Variants in PROKR1 observed in about 807,000 individuals in gnomAD.
PROKR1 encodes G protein-coupled receptor 73.
In PROKR1, 21 loss-of-function variants were observed where a neutral mutation model predicts 22.8. That is an observed-to-expected ratio of 0.92 (90% CI 0.65 to 1.32). The LOEUF is 1.32. Among genes scored for constraint, PROKR1 ranks in the 40% most tolerant of loss-of-function variants. The probability of loss-of-function intolerance (pLI) is 0.00; values close to 1 mark genes in which losing one functional copy is unlikely to be tolerated. For synonymous variants in PROKR1, 193 were observed against 207.5 expected, an observed-to-expected ratio of 0.93 and a Z score of 0.60; for missense variants, 548 against 514.2, an observed-to-expected ratio of 1.07 and a Z score of -0.64.
intron 2 of PROKR1, 60 bp downstream of exon 2, chr2:68,646,366 GC>G: frequency 1.3e-6 from 2 of 1,596,742 alleles, no homozygotes; most frequent in Middle Eastern, 1.7e-4. Flanking sequence ...CATTGGAATT[GC>G]CCCCTCCTGT....
chr2:68,655,916 G>A lies in PROKR1; in HGVS notation c.*340G>A, dbSNP rs1174041634. 1.3e-5 allele frequency: 5 copies of A among 376,938 alleles called. No homozygotes were observed. The highest frequency in any genetic ancestry group is 4.0e-5 in the Admixed American group (1 of 25,284). 23.3% of individuals were successfully genotyped at this position (376,938 alleles called of 1,614,324 possible). A position where few individuals can be genotyped will look rare whatever the true frequency, so the allele number is the denominator to read the frequency against. ...TAAGGGAGTTTCCACAAAAGAACTG[G>A]AGTAGGTATCTAGGATTGCAGTACA... On this transcript the variant is annotated 3_prime_UTR_variant, in exon 3 of 3. Transcript: ENST00000303786.
At position 68,655,095 on chromosome 2, in the gene PROKR1, T is replaced by C; in HGVS notation, c.701T>C (p.Leu234Pro). The part of the protein sequence containing the change: ...DQQLYYKSYF[L>P]FIFGIEFVGP... ...CAGCTCTACTACAAGTCCTACTTCCTCTTTATCTTTGGCATAGAATTCGTG... is the reference window on the plus strand; with the variant it reads ...CAGCTCTACTACAAGTCCTACTTCCCCTTTATCTTTGGCATAGAATTCGTG... The change falls in exon 3 of 3, where the codon CTC becomes CCC. Residue 234 changes from leucine to proline, a missense_variant. Coordinates refer to ENST00000303786, the MANE Select transcript of PROKR1 (RefSeq NM_138964.4). The C allele has an allele frequency of 6.2e-7, 1 of 1,614,016 alleles. No individual in the cohort carries two copies. Among genetic ancestry groups the C allele is most frequent in the Non-Finnish European group, 8.5e-7 (1 of 1,180,024 alleles).
intron 2 of PROKR1, among the ~76,000 whole-genome samples, chr2:68,650,062 G>A (rs893268719): frequency 1.0e-4 from 12 of 119,528 alleles, no homozygotes; most frequent in Middle Eastern, 5.7e-3. Context: ...TCTGGGGACT[G>A]TTGTGGGGTG....
In PROKR1 at chr2:68,646,114, AC is replaced by A; in HGVS notation, c.295del (p.Leu99CysfsTer72). The A allele has an allele frequency of 6.2e-7, 1 of 1,612,500 alleles. No individual in the cohort carries two copies. The highest frequency in any genetic ancestry group is 1.1e-5 in the South Asian group (1 of 90,968). ...VRYKKLRNLT[N>X]LLIANLAISD... is the part of the protein sequence containing the mutation. ...TACAAGAAACTGCGCAACCTCACCA[AC>A]CTGCTCATCGCCAACCTGGCCATCT... On this transcript the variant is annotated frameshift_variant, in exon 2 of 3. Transcript: ENST00000303786. LOFTEE classifies it high-confidence loss of function.
In PROKR1 at chr2:68,654,986, G is replaced by A. The variant is rs1364745766; in HGVS notation, c.592G>A (p.Ala198Thr). The change falls in exon 3 of 3, where the codon GCC becomes ACC. Residue 198 changes from alanine to threonine, a missense_variant. Physicochemically the swap from Ala to Thr is moderately conservative, Grantham distance 58 (BLOSUM62 0). Transcript: ENST00000303786. Reference protein sequence around the residue: ...TVSILIAIPSAYFTTETVLVI... With the variant: ...TVSILIAIPSTYFTTETVLVI... ...GTCCATCCTGATCGCCATCCCTTCC[G>A]CCTACTTCACCACCGAGACGGTCCT... The A allele has an allele frequency of 2.0e-5, 32 of 1,611,920 alleles. No individual in the cohort carries two copies. The highest frequency in any genetic ancestry group is 3.3e-5 in the South Asian group (3 of 90,972).
At position 68,656,916 on chromosome 2, in the gene PROKR1, GA is replaced by G. The variant is rs2104197845; in HGVS notation, c.*1342del. 1.3e-5 allele frequency: 2 copies of G among 152,276 alleles called. No homozygotes were observed. Among genetic ancestry groups the G allele is most frequent in the African/African-American group, 4.8e-5 (2 of 41,584 alleles). 9.4% of individuals were successfully genotyped at this position (152,276 alleles called of 1,614,324 possible). On this transcript the variant is annotated 3_prime_UTR_variant, in exon 3 of 3. Transcript: ENST00000303786. ...TCCAGAAGTCTGGGCACCCAGGAAA[GA>G]AGGGGACACACAGATAGGTAGTGTC...
In PROKR1 at chr2:68,646,187, C is replaced by G. The variant is rs756410347; in HGVS notation, c.366C>G (p.Tyr122Ter). 3.7e-6 allele frequency: 6 copies of G among 1,609,266 alleles called. No homozygotes were observed. In the Admixed American group the frequency reaches 8.4e-5, roughly 22 times the overall value. ...TCTGCTGCCCCTTTGAGATGGACTA[C>G]TATGTGGTGCGCCAGCTCTCCTGGG... ...AIVCCPFEMD[Y>*]YVVRQLSWEH... Residue 122 changes from tyrosine (Y) to a stop codon, truncating the protein, a stop_gained, in exon 2 of 3, where the codon TAC becomes TAG. Transcript: ENST00000303786. LOFTEE classifies it high-confidence loss of function.
chr2:68,654,839 C>T, intron 2 of PROKR1, 41 bp from the exon 3 acceptor site: 1 of 1,377,860 alleles, frequency 7.3e-7, no homozygotes. Flanking sequence ...TCCAGCACTT[C>T]TTTCTCACAG....
At position 68,645,850 on chromosome 2, in the gene PROKR1, A is replaced by G; in HGVS notation, c.29A>G (p.Asp10Gly). The G allele has an allele frequency of 6.2e-7, 1 of 1,614,216 alleles. No individual in the cohort carries two copies. The highest frequency in any genetic ancestry group is 8.5e-7 in the Non-Finnish European group (1 of 1,180,028). Reference sequence around the variant, plus strand: ...GAGACCACCATGGGGTTCATGGATGACAATGCCACCAACACTTCCACCAGC... The same window carrying G: ...GAGACCACCATGGGGTTCATGGATGGCAATGCCACCAACACTTCCACCAGC... METTMGFMD[D>G]NATNTSTSFL... The change falls in exon 2 of 3, where the codon GAC becomes GGC. Residue 10 changes from aspartate to glycine, a missense_variant. Transcript: ENST00000303786.
chr2:68,653,788 G>A (rs954255875), intron 2 of PROKR1, among the ~76,000 whole-genome samples: 1 of 151,972 alleles, frequency 6.6e-6, no homozygotes, highest in Non-Finnish European at 1.5e-5. Flanking sequence ...CCCCTAGAAA[G>A]TGCTCTCTCT....
chr2:68,654,849 G>A, intron 2 of PROKR1, 31 bp from the exon 3 acceptor site: 1 of 1,486,170 alleles, frequency 6.7e-7, no homozygotes, highest in Non-Finnish European at 9.4e-7. Context: ...CTTTCTCACA[G>A]TGGCTGCCTC....
intron 2 of PROKR1, among the ~76,000 whole-genome samples, chr2:68,649,251 A>G (rs1673257752): frequency 6.6e-6 from 1 of 152,148 alleles, no homozygotes; most frequent in African/African-American, 2.4e-5. Context: ...CTAACCTAGA[A>G]GAAAGTCTCC....
intron 2 of PROKR1, among the ~76,000 whole-genome samples, chr2:68,646,994 G>A (rs1463862132): frequency 6.6e-6 from 1 of 152,170 alleles, no homozygotes. Context: ...GCTGCAGTGA[G>A]CTATGTTCAT....
At chr2:68,647,993 T>C (rs1673228921) in intron 2 of PROKR1, among the ~76,000 whole-genome samples, 1 of 152,150 alleles carries the variant, frequency 6.6e-6, no homozygotes, top group Non-Finnish European at 1.5e-5. Flanking sequence ...TCCAGGGACT[T>C]TGTCTCTGAA....
chr2:68,650,077 G>C (rs1416673692), intron 2 of PROKR1, among the ~76,000 whole-genome samples: 1 of 106,124 alleles, frequency 9.4e-6, no homozygotes, highest in Non-Finnish European at 1.8e-5. Context: ...GGGGTGGGGG[G>C]AGGGGGGAGG....
In PROKR1 at chr2:68,646,257, GTCTC is replaced by G. The variant is rs749261505; in HGVS notation, c.442_445del (p.Leu148MetfsTer22). The G allele has an allele frequency of 5.6e-6, 9 of 1,614,190 alleles. No homozygotes were observed. The highest frequency in any genetic ancestry group is 2.2e-5 in the East Asian group (1 of 44,886). Reference sequence around the variant, plus strand: ...CACCTCTGTCAACTACCTGCGCACTGTCTCTCTCTATGTCTCCACCAATGCCCTG... The same window carrying G: ...CACCTCTGTCAACTACCTGCGCACTGTCTCTATGTCTCCACCAATGCCCTG... On this transcript the variant is annotated frameshift_variant, in exon 2 of 3. Transcript: ENST00000303786. LOFTEE classifies it high-confidence loss of function.
rs181661409 is a variant in PROKR1, at chr2:68,650,051, C to T, written c.485+3745C>T. On this transcript the variant is annotated intron_variant, in intron 2 of 2. Coordinates refer to ENST00000303786, the MANE Select transcript of PROKR1 (RefSeq NM_138964.4). ...TGGACACAGGAAGGGGAATATCACA[C>T]TCTGGGGACTGTTGTGGGGTGGGGG... Among the ~76,000 whole-genome samples, 684 of 121,932 alleles carry T rather than the reference C, an allele frequency of 5.6e-3. 4 individuals carry two copies. Among genetic ancestry groups the T allele is most frequent in the Admixed American group, 0.033 (295 of 8,950 alleles). 80.0% of individuals were successfully genotyped at this position (121,932 alleles called of 152,430 possible). A position where few individuals can be genotyped will look rare whatever the true frequency, so the allele number is the denominator to read the frequency against.
Position 68,655,740 on chromosome 2 carries a change from C to A in PROKR1, c.*164C>A. On this transcript the variant is annotated 3_prime_UTR_variant, in exon 3 of 3. Transcript: ENST00000303786. ...CAAGGAGCTCAGAGTTTCTAAAATG[C>A]ATGTGACCAGACACTATCAACAGTG... is the stretch of plus-strand genomic sequence containing the variant. The A allele has an allele frequency of 1.4e-6, 1 of 699,618 alleles. No individual in the cohort carries two copies. The highest frequency in any genetic ancestry group is 2.5e-6 in the Non-Finnish European group (1 of 408,072). The allele number at this position is 699,618 out of a possible 1,614,324, so 43.3% of individuals were successfully genotyped here.
Position 68,657,874 on chromosome 2 carries a change from G to A in PROKR1, c.*2298G>A. 6.6e-6 allele frequency: 1 copy of A among 152,140 alleles called. No homozygotes were observed. The highest frequency in any genetic ancestry group is 1.5e-5 in the Non-Finnish European group (1 of 68,038). The allele number at this position is 152,140 out of a possible 1,614,324, so 9.4% of individuals were successfully genotyped here. On this transcript the variant is annotated 3_prime_UTR_variant, in exon 3 of 3. Coordinates refer to ENST00000303786, the MANE Select transcript of PROKR1 (RefSeq NM_138964.4). Reference sequence around the variant, plus strand: ...CTACAATTTAATCAGAATGCTCTTGGAGAGTAAAATTAATTAAAATATTAG... The same window carrying A: ...CTACAATTTAATCAGAATGCTCTTGAAGAGTAAAATTAATTAAAATATTAG...
Sources: allele counts gnomAD v4.1 joint callset (sites outside exome capture counted in the v4.1 genomes callset), GRCh38; gene constraint gnomAD v4.1.1; transcripts MANE v1.5; gene names NCBI Gene and HGNC (gene_info 2026-07-23, HGNC 2026-07-21).